CPE: variants seen among roughly 807,000 people sequenced by gnomAD.
CPE encodes carboxypeptidase E.
CPE carries 17 observed loss-of-function variants against 53.5 expected under a neutral mutation model. The ratio of observed to expected loss-of-function variants is 0.32; its 90% confidence interval spans 0.22 to 0.48. CPE has a LOEUF of 0.48. CPE is among the 20% of genes least tolerant of loss of function. CPE has a pLI of 0.99. For synonymous variants in CPE, 226 were observed against 228.8 expected, an observed-to-expected ratio of 0.99 and a Z score of 0.11; for missense variants, 524 against 614.7, an observed-to-expected ratio of 0.85 and a Z score of 1.56.
chr4:165,417,619 C>A (rs1264923383), intron 1 of CPE, among the ~76,000 whole-genome samples: 1 of 150,936 alleles, frequency 6.6e-6, no homozygotes, highest in African/African-American at 2.4e-5. Context: ...TCATTTAGAA[C>A]TATGATTTTA....
At chr4:165,420,269 G>C (rs1225139163) in intron 1 of CPE, among the ~76,000 whole-genome samples, 1 of 152,032 alleles carries the variant, frequency 6.6e-6, no homozygotes, top group Non-Finnish European at 1.5e-5. Flanking sequence ...CTGAGAAAAA[G>C]TGAATGTTTT....
At chr4:165,390,925 T>A (rs955819864) in intron 1 of CPE, among the ~76,000 whole-genome samples, 1 of 152,162 alleles carries the variant, frequency 6.6e-6, no homozygotes, top group African/African-American at 2.4e-5. Context: ...ATTTTTGAGA[T>A]CCTTTTCTAT....
At chr4:165,467,925 A>G (rs1732138123) in intron 3 of CPE, 70 bp downstream of exon 3, 3 of 1,518,268 alleles carry the variant, frequency 2.0e-6, no homozygotes, top group African/African-American at 1.4e-5. Context: ...TATCTTCATC[A>G]TCATGAAGGA....
chr4:165,492,225 G>A (rs78976659), intron 6 of CPE, among the ~76,000 whole-genome samples: 1 of 152,122 alleles, frequency 6.6e-6, no homozygotes, highest in Admixed American at 6.5e-5. Context: ...TTTCTGTTAT[G>A]AGGCTCACTA....
rs138994006 is a variant in CPE, at chr4:165,489,304, G to T, written c.1113+1727G>T. On this transcript the variant is annotated intron_variant, in intron 6 of 8. Coordinates refer to ENST00000402744, the MANE Select transcript of CPE (RefSeq NM_001873.4). The stretch of plus-strand genomic sequence containing the variant: ...AATCTTTAAATGTTTAATAATATTT[G>T]TCTTAATACTCCTTAATACAGTGCT... Among the ~76,000 whole-genome samples the T allele has an allele frequency of 1.5e-3, 234 of 152,136 alleles. 1 individual carries two copies. Among genetic ancestry groups the T allele is most frequent in the African/African-American group, 5.1e-3 (211 of 41,506 alleles).
intron 1 of CPE, among the ~76,000 whole-genome samples, chr4:165,453,348 C>T (rs537454688): frequency 9.0e-5 from 13 of 144,750 alleles, no homozygotes; most frequent in African/African-American, 3.1e-4. Flanking sequence ...TCCTTCCTTC[C>T]TTCCTTTCTC....
intron 4 of CPE, among the ~76,000 whole-genome samples, chr4:165,483,662 C>T (rs1445950778): frequency 6.6e-6 from 1 of 152,130 alleles, no homozygotes; most frequent in African/African-American, 2.4e-5. Context: ...TAATCATAGC[C>T]ATTCTAAGTC....
intron 6 of CPE, among the ~76,000 whole-genome samples, chr4:165,487,825 T>G (rs1732534529): frequency 6.6e-6 from 1 of 152,124 alleles, no homozygotes; most frequent in Non-Finnish European, 1.5e-5. Flanking sequence ...CGTTTCTGTT[T>G]GTATTATTCT....
chr4:165,459,623 G>T (rs28652970), intron 1 of CPE, among the ~76,000 whole-genome samples: 37 of 147,458 alleles, frequency 2.5e-4, no homozygotes, highest in African/African-American at 7.0e-4. Flanking sequence ...GAAAATGAAG[G>T]CCGGGCGTGG....
At chr4:165,408,012 C>G (rs935248813) in intron 1 of CPE, among the ~76,000 whole-genome samples, 1 of 152,034 alleles carries the variant, frequency 6.6e-6, no homozygotes, top group Non-Finnish European at 1.5e-5. Flanking sequence ...GGCAATTTAT[C>G]TTATTATTGT....
chr4:165,405,589 T>G, intron 1 of CPE: 1 of 809,570 alleles, frequency 1.2e-6, no homozygotes, highest in Non-Finnish European at 2.2e-6. Context: ...ATCCCTTGTC[T>G]CTCTTTGGAG....
chr4:165,485,453 A>AT (rs962890072), intron 5 of CPE, among the ~76,000 whole-genome samples: 20 of 151,844 alleles, frequency 1.3e-4, no homozygotes, highest in African/African-American at 4.1e-4. Context: ...ATTCTTTCTG[A>AT]TTTTTTTCTT....
intron 1 of CPE, among the ~76,000 whole-genome samples, chr4:165,420,832 C>T (rs757060483): frequency 6.6e-6 from 1 of 152,018 alleles, no homozygotes; most frequent in African/African-American, 2.4e-5. Flanking sequence ...TATTAAATGT[C>T]ATTTTGATTT....
intron 1 of CPE, among the ~76,000 whole-genome samples, chr4:165,462,627 G>A (rs1732027752): frequency 6.6e-6 from 1 of 152,112 alleles, no homozygotes; most frequent in Non-Finnish European, 1.5e-5. Context: ...TTACAGAAAG[G>A]AAGAAGGTTA....
chr4:165,480,367 A>G (rs973625252), intron 3 of CPE, among the ~76,000 whole-genome samples: 2 of 152,230 alleles, frequency 1.3e-5, no homozygotes, highest in African/African-American at 2.4e-5. Flanking sequence ...AAGTCATTCA[A>G]TTTCTAGGGA....
chr4:165,393,048 A>G (rs1336114518), intron 1 of CPE, among the ~76,000 whole-genome samples: 3 of 151,988 alleles, frequency 2.0e-5, no homozygotes, highest in Non-Finnish European at 4.4e-5. Flanking sequence ...GCCATGGAAT[A>G]TAAAGATGTT....
intron 1 of CPE, among the ~76,000 whole-genome samples, chr4:165,449,316 G>A (rs1312252593): frequency 6.6e-6 from 1 of 152,212 alleles, no homozygotes; most frequent in Non-Finnish European, 1.5e-5. Context: ...ATTCTGACAT[G>A]TTTGTGACAC....
chr4:165,467,714 G>A lies in CPE; in HGVS notation c.531G>A (p.Val177=). The change falls in exon 3 of 9, where the codon GTG becomes GTA. Residue 177 remains valine (V), a synonymous_variant. Coordinates refer to ENST00000402744, the MANE Select transcript of CPE (RefSeq NM_001873.4). ...SQPGELKDWF[V]GRSNAQGIDL... ...CTGGTGAACTCAAGGACTGGTTTGT[G>A]GGTCGAAGCAATGCCCAGGGAATAG... The A allele has an allele frequency of 1.2e-6, 2 of 1,609,254 alleles. No homozygotes were observed. Among genetic ancestry groups the A allele is most frequent in the Admixed American group, 1.7e-5 (1 of 59,422 alleles).
intron 1 of CPE, among the ~76,000 whole-genome samples, chr4:165,395,666 T>C (rs1266593374): frequency 6.6e-6 from 1 of 152,206 alleles, no homozygotes; most frequent in Non-Finnish European, 1.5e-5. Flanking sequence ...GAACTTGAAA[T>C]CATAAATTCT....
Sources: allele counts gnomAD v4.1 joint callset (sites outside exome capture counted in the v4.1 genomes callset), GRCh38; gene constraint gnomAD v4.1.1; transcripts MANE v1.5; gene names NCBI Gene and HGNC (gene_info 2026-07-23, HGNC 2026-07-21).